Variants in CAPS2 observed in about 807,000 individuals in gnomAD.
The protein encoded by CAPS2 is calcyphosine 2.
Under a neutral mutation model 86.5 loss-of-function variants are expected in CAPS2, and 98 were observed. The observed-to-expected ratio is 1.13, with a 90% CI of 0.96 to 1.34. The LOEUF (loss-of-function observed/expected upper bound fraction) is 1.34, where lower values mean the gene tolerates loss of function less well. Among genes scored for constraint, CAPS2 ranks in the 40% most tolerant of loss-of-function variants. The pLI, the probability that CAPS2 is intolerant of heterozygous loss-of-function variation, is 0.00. For missense variants in CAPS2, 729 were observed against 686.8 expected (o/e 1.06, Z -0.69); for synonymous variants, 210 against 225.1 (o/e 0.93, Z 0.60).
chr12:75,319,258 T>A (rs185065602), intron 5 of CAPS2, among the ~76,000 whole-genome samples: 223 of 152,256 alleles, frequency 1.5e-3, no homozygotes, highest in African/African-American at 5.0e-3. Context: ...CATGTTGAAA[T>A]TTAATCCCCA....
intron 1 of CAPS2, chr12:75,371,183 C>A (rs1392983383): frequency 6.6e-6 from 1 of 152,452 alleles, no homozygotes; most frequent in Non-Finnish European, 1.5e-5. Context: ...GACAATTCAG[C>A]CTTCAGTGTG....
intron 1 of CAPS2, among the ~76,000 whole-genome samples, chr12:75,341,300 T>C (rs1242861883): frequency 1.3e-5 from 2 of 152,198 alleles, no homozygotes; most frequent in African/African-American, 2.4e-5. Flanking sequence ...ATCTATACCA[T>C]GGAATATGAC....
intron 1 of CAPS2, among the ~76,000 whole-genome samples, chr12:75,346,655 C>T (rs1293110895): frequency 7.2e-5 from 11 of 152,148 alleles, no homozygotes. Context: ...TCCCAAATCT[C>T]GTTTTTAAGT....
At chr12:75,290,829 A>G (rs1384053760) in intron 13 of CAPS2, among the ~76,000 whole-genome samples, 1 of 151,798 alleles carries the variant, frequency 6.6e-6, no homozygotes, top group East Asian at 1.9e-4. Flanking sequence ...GGCTTGAGGC[A>G]AGGAGGCTCA....
chr12:75,387,463 C>CA (rs2045350015), intron 1 of CAPS2, among the ~76,000 whole-genome samples: 2 of 152,132 alleles, frequency 1.3e-5, no homozygotes, highest in Non-Finnish European at 2.9e-5. Context: ...GGTGGGAATG[C>CA]AAAATGGCAC....
At chr12:75,315,704 A>G (rs1464289894) in intron 6 of CAPS2, among the ~76,000 whole-genome samples, 1 of 152,188 alleles carries the variant, frequency 6.6e-6, no homozygotes, top group Non-Finnish European at 1.5e-5. Context: ...ACAATCTGTT[A>G]TAAGTATGCC....
intron 12 of CAPS2, 40 bp from the exon 13 acceptor site, chr12:75,291,860 T>C (rs754172229): frequency 1.8e-5 from 19 of 1,032,654 alleles, no homozygotes; most frequent in Non-Finnish European, 2.6e-5. Context: ...TATATATATA[T>C]TCTATTTTAC....
intron 1 of CAPS2, among the ~76,000 whole-genome samples, chr12:75,376,694 C>T (rs1392453290): frequency 6.6e-6 from 1 of 152,174 alleles, no homozygotes; most frequent in East Asian, 1.9e-4. Context: ...CCCACACATC[C>T]CCATTCCAAG....
intron 14 of CAPS2, among the ~76,000 whole-genome samples, chr12:75,287,131 C>T (rs2035020476): frequency 6.6e-6 from 1 of 150,842 alleles, no homozygotes; most frequent in Non-Finnish European, 1.5e-5. Context: ...ATGTTTTCAT[C>T]CATAGGACCA....
intron 1 of CAPS2, among the ~76,000 whole-genome samples, chr12:75,325,590 T>A (rs2040694099): frequency 6.6e-6 from 1 of 152,084 alleles, no homozygotes; most frequent in African/African-American, 2.4e-5. Flanking sequence ...CAACCTACTC[T>A]AGGGAATTTA....
chr12:75,354,274 C>G (rs1428271205), intron 1 of CAPS2, among the ~76,000 whole-genome samples: 1 of 151,890 alleles, frequency 6.6e-6, no homozygotes, highest in Non-Finnish European at 1.5e-5. Flanking sequence ...AACCCAAAAG[C>G]TTTTTAAGCT....
At chr12:75,303,834 A>G (rs1403332894) in intron 8 of CAPS2, among the ~76,000 whole-genome samples, 2 of 152,206 alleles carry the variant, frequency 1.3e-5, no homozygotes, top group Non-Finnish European at 2.9e-5. Context: ...GAACATAGAG[A>G]GAAATGTATC....
intron 1 of CAPS2, chr12:75,366,696 G>C: frequency 4.1e-6 from 2 of 482,406 alleles, no homozygotes; most frequent in Non-Finnish European, 7.4e-6. Context: ...GGGTTTTTTT[G>C]TGTTGCAGAT....
chr12:75,364,414 T>G (rs975685410), intron 1 of CAPS2, among the ~76,000 whole-genome samples: 1 of 152,242 alleles, frequency 6.6e-6, no homozygotes, highest in African/African-American at 2.4e-5. Flanking sequence ...CTTTATCGCA[T>G]AGTGTTGTCA....
intron 1 of CAPS2, among the ~76,000 whole-genome samples, chr12:75,338,969 T>C (rs1810297966): frequency 1.3e-5 from 2 of 152,254 alleles, no homozygotes. Flanking sequence ...CCATGGTGTG[T>C]CTGTAGCACA....
At chr12:75,282,189 A>T in intron 16 of CAPS2, 62 bp downstream of exon 16, 1 of 918,206 alleles carries the variant, frequency 1.1e-6, no homozygotes, top group Non-Finnish European at 1.8e-6. Context: ...ATTAATATAA[A>T]GATATTATCT....
intron 1 of CAPS2, chr12:75,363,036 A>G (rs1454080437): frequency 4.3e-6 from 3 of 699,166 alleles, no homozygotes; most frequent in Middle Eastern, 2.9e-4. Context: ...CAACTTGCAT[A>G]CATGCATGAA....
downstream of CAPS2, chr12:75,276,069 A>G: frequency 1.3e-6 from 1 of 779,572 alleles, no homozygotes; most frequent in Non-Finnish European, 1.8e-6. Flanking sequence ...AAATGGAACG[A>G]TATGTATGAC....
chr12:75,382,966 A>C (rs1325988855), intron 1 of CAPS2, among the ~76,000 whole-genome samples: 1 of 152,224 alleles, frequency 6.6e-6, no homozygotes, highest in Non-Finnish European at 1.5e-5. Context: ...GAATGTGATA[A>C]ATTATTTCCA....
Sources: allele counts gnomAD v4.1 joint callset (sites outside exome capture counted in the v4.1 genomes callset), GRCh38; gene constraint gnomAD v4.1.1; transcripts MANE v1.5; gene names NCBI Gene and HGNC (gene_info 2026-07-23, HGNC 2026-07-21).